PDCD6: variants seen among roughly 807,000 people sequenced by gnomAD.
The protein encoded by PDCD6 is programmed cell death protein 6.
In PDCD6, 12 loss-of-function variants were observed where a neutral mutation model predicts 28.3. The ratio of observed to expected loss-of-function variants is 0.42; its 90% confidence interval spans 0.27 to 0.69. The LOEUF (loss-of-function observed/expected upper bound fraction) is 0.69. Among genes scored for constraint, PDCD6 ranks in the 30% least tolerant of loss-of-function variants. The probability of loss-of-function intolerance (pLI) is 0.22; values close to 1 mark genes in which losing one functional copy is unlikely to be tolerated. For synonymous variants in PDCD6, 92 were observed against 108.0 expected (o/e 0.85, Z 0.92); for missense variants, 226 against 269.9 (o/e 0.84, Z 1.14).
intron 2 of PDCD6, among the ~76,000 whole-genome samples, chr5:292,468 A>T (rs551061516): frequency 2.8e-4 from 42 of 152,286 alleles, no homozygotes; most frequent in South Asian, 2.1e-3. Context: ...CATGTTGTCC[A>T]GACTGGTCTG....
intron 2 of PDCD6, among the ~76,000 whole-genome samples, chr5:292,620 C>T (rs1159045017): frequency 6.6e-6 from 1 of 152,128 alleles, no homozygotes; most frequent in Non-Finnish European, 1.5e-5. Flanking sequence ...ATCTGTATGG[C>T]AAAGATGGGT....
chr5:302,444 C>T (rs1185303838), intron 2 of PDCD6, among the ~76,000 whole-genome samples: 12 of 111,624 alleles, frequency 1.1e-4, no homozygotes. Context: ...GGGGAGAGCA[C>T]AGCTTCCCTG....
At chr5:290,870 T>A (rs1739272377) in intron 2 of PDCD6, among the ~76,000 whole-genome samples, 1 of 152,212 alleles carries the variant, frequency 6.6e-6, no homozygotes, top group South Asian at 2.1e-4. Flanking sequence ...GGATGGAAGC[T>A]CATGAATGTT....
At chr5:308,406 G>A (rs141613470) in intron 4 of PDCD6, 1 of 152,312 alleles carries the variant, frequency 6.6e-6, no homozygotes, top group African/African-American at 2.4e-5. Flanking sequence ...TCCCGCCCTG[G>A]AGTGGGCAGG....
chr5:313,121 A>C (rs1310844473), intron 5 of PDCD6, among the ~76,000 whole-genome samples: 1 of 152,188 alleles, frequency 6.6e-6, no homozygotes, highest in Non-Finnish European at 1.5e-5. Flanking sequence ...CCTGACAGCC[A>C]ATTCCCAGGC....
intron 2 of PDCD6, chr5:289,968 G>A (rs1409433901): frequency 4.9e-5 from 78 of 1,592,974 alleles, no homozygotes; most frequent in Non-Finnish European, 1.5e-5. Context: ...TGAGAAATTT[G>A]TCTGTTCCTG....
At chr5:294,647 G>A (rs1283091613) in intron 2 of PDCD6, among the ~76,000 whole-genome samples, 3 of 152,244 alleles carry the variant, frequency 2.0e-5, no homozygotes, top group African/African-American at 7.2e-5. Context: ...AGTTTCTTAC[G>A]AAGTTAAGCA....
chr5:286,104 T>C (rs1738943476), intron 2 of PDCD6, among the ~76,000 whole-genome samples: 1 of 145,584 alleles, frequency 6.9e-6, no homozygotes. Context: ...AGGGGGGAGC[T>C]GATGTTCTCC....
At chr5:289,865 T>C (rs1739212019) in intron 2 of PDCD6, 6 of 1,507,120 alleles carry the variant, frequency 4.0e-6, no homozygotes, top group Admixed American at 3.3e-5. Context: ...CCAGGAAACA[T>C]AACACCATTC....
chr5:271,893 G>GACCA (rs2126670225), intron 1 of PDCD6, 72 bp downstream of exon 1: 1 of 788,226 alleles, frequency 1.3e-6, no homozygotes, highest in East Asian at 3.4e-5. Flanking sequence ...CGACTCCCCC[G>GACCA]ACCAACCCCG....
intron 2 of PDCD6, among the ~76,000 whole-genome samples, chr5:292,389 G>T (rs1190079685): frequency 5.9e-5 from 9 of 152,146 alleles, no homozygotes; most frequent in Admixed American, 1.3e-4. Flanking sequence ...CTCCCAAGTA[G>T]CTGGGATTAC....
chr5:273,005 G>A (rs1370171101), intron 2 of PDCD6: 2 of 641,256 alleles, frequency 3.1e-6, no homozygotes, highest in Non-Finnish European at 5.2e-6. Context: ...ACAGGGAAAG[G>A]CTTCTTGAGA....
At chr5:311,645 G>T in intron 5 of PDCD6, 1 of 493,334 alleles carries the variant, frequency 2.0e-6, no homozygotes. Context: ...AGTATCCGGT[G>T]GGTTATTTAC....
At chr5:300,385 C>T (rs1393026985) in intron 2 of PDCD6, among the ~76,000 whole-genome samples, 2 of 152,354 alleles carry the variant, frequency 1.3e-5, no homozygotes, top group Admixed American at 1.3e-4. Context: ...CTGGGAGGGA[C>T]TCTGGAAGCG....
chr5:307,244 C>T lies in PDCD6; in HGVS notation c.367+484C>T, dbSNP rs569179618. On this transcript the variant is annotated intron_variant, in intron 4 of 5. Coordinates refer to ENST00000264933, the MANE Select transcript of PDCD6 (RefSeq NM_013232.4). This position sits in a 1 kb window ranked among gnomAD's most constrained non-coding sequence, Gnocchi z 6.1. ...GTGTGCTCGGCGTGTGTGTGCTCGG[C>T]GTGTGTGTGCTCGGCGTGTGTGTGC... Among the ~76,000 whole-genome samples the T allele has an allele frequency of 1.7e-5, 2 of 120,074 alleles. No individual in the cohort carries two copies. The highest frequency in any genetic ancestry group is 4.0e-4 in the East Asian group (2 of 4,992). 78.8% of individuals were successfully genotyped at this position (120,074 alleles called of 152,430 possible).
At chr5:297,340 C>T (rs1301463386) in intron 2 of PDCD6, among the ~76,000 whole-genome samples, 2 of 152,210 alleles carry the variant, frequency 1.3e-5, no homozygotes, top group Non-Finnish European at 2.9e-5. Flanking sequence ...CTTCCGTTAC[C>T]CTTAAAAAGT....
chr5:278,587 T>C lies in PDCD6; in HGVS notation c.163+5815T>C, dbSNP rs574757216. 4.0e-5 allele frequency among the ~76,000 whole-genome samples: 6 copies of C among 148,748 alleles called. No homozygotes were observed. The East Asian group carries it at 8.0e-4, about 20-fold the overall frequency. The stretch of plus-strand genomic sequence containing the variant: ...ATTTAGCTGGGTATGGTGGCGTGCA[T>C]CTGTAGTCCCAGCCACTGGGGAGGC... On this transcript the variant is annotated intron_variant, in intron 2 of 5. Transcript: ENST00000264933.
chr5:287,473 A>G (rs1479117064), intron 2 of PDCD6, among the ~76,000 whole-genome samples: 1 of 152,148 alleles, frequency 6.6e-6, no homozygotes, highest in Non-Finnish European at 1.5e-5. Context: ...CTAATGAGAC[A>G]GAAAGACCCT....
At chr5:300,399 G>A (rs953926800) in intron 2 of PDCD6, among the ~76,000 whole-genome samples, 3 of 152,216 alleles carry the variant, frequency 2.0e-5, no homozygotes, top group Non-Finnish European at 4.4e-5. Flanking sequence ...GGAAGCGCCT[G>A]GCTTCCCTGG....
Sources: allele counts gnomAD v4.1 joint callset (sites outside exome capture counted in the v4.1 genomes callset), GRCh38; gene constraint gnomAD v4.1.1; non-coding constraint Gnocchi (gnomAD v3.1); transcripts MANE v1.5; gene names NCBI Gene and HGNC (gene_info 2026-07-23, HGNC 2026-07-21).